PRAMEF2: variants seen among roughly 807,000 people sequenced by gnomAD.
PRAMEF2 encodes PRAME family member 2.
A neutral mutation model predicts 38.0 loss-of-function variants in PRAMEF2; 35 were observed. That is an observed-to-expected ratio of 0.92 (90% CI 0.70 to 1.22). The LOEUF is 1.22. Among genes scored for constraint, PRAMEF2 ranks in the 50% most tolerant of loss-of-function variants. PRAMEF2 has a pLI of 0.00. For missense variants in PRAMEF2, 562 were observed against 553.9 expected (o/e 1.01, Z -0.15); for synonymous variants, 240 against 232.4 (o/e 1.03, Z -0.30).
chr1:12,858,532 A>C (rs1309941455), intron 1 of PRAMEF2, among the ~76,000 whole-genome samples: 1 of 150,066 alleles, frequency 6.7e-6, no homozygotes, highest in Non-Finnish European at 1.5e-5. Context: ...TCAAAATAAA[A>C]AATAATGGCA....
At position 12,861,305 on chromosome 1, in the gene PRAMEF2, A is replaced by T; in HGVS notation, c.951A>T (p.Pro317=). 6.2e-7 allele frequency: 1 copy of T among 1,607,100 alleles called. No homozygotes were observed. The highest frequency in any genetic ancestry group is 8.5e-7 in the Non-Finnish European group (1 of 1,176,704). ...EEDLKCLSQF[P]SLGYLKHLNL... ...ACTTGAAGTGTCTCTCCCAGTTCCC[A>T]AGCCTCGGTTACCTAAAGCATCTGA... Residue 317 remains proline, a synonymous_variant, in exon 4 of 4, where the codon CCA becomes CCT. Coordinates refer to ENST00000240189, the MANE Select transcript of PRAMEF2 (RefSeq NM_023014.1).
Position 12,859,133 on chromosome 1 carries a change from G to A in PRAMEF2, c.124G>A (p.Glu42Lys), listed in dbSNP as rs772874744. 2 of 1,607,018 alleles carry A rather than the reference G, an allele frequency of 1.2e-6. No individual in the cohort carries two copies. Among genetic ancestry groups the A allele is most frequent in the Non-Finnish European group, 1.7e-6 (2 of 1,176,864 alleles). Residue 42 changes from glutamate to lysine, a missense_variant, in exon 2 of 4, where the codon GAG becomes AAG. Physicochemically the swap from Glu to Lys is moderately conservative, Grantham distance 56. Around this residue, in one of 2 missense-constraint regions of PRAMEF2, gnomAD observed 486 missense variants for 444.2 expected, o/e 1.09. Transcript: ENST00000240189. ...PRVLYLPLFR[E>K]AFSRRHFQTL... ...GGTGCTCTATCTCCCACTCTTCAGG[G>A]AGGCCTTCAGCAGGAGACACTTCCA...
In PRAMEF2 at chr1:12,859,179, AG is replaced by A; in HGVS notation, c.172del (p.Ala58ProfsTer12). On this transcript the variant is annotated frameshift_variant, in exon 2 of 4. Transcript: ENST00000240189. LOFTEE classifies it high-confidence loss of function. Reference protein sequence around the residue: ...RHFQTLTVMVQAWPFTCLPLV... With the variant: ...RHFQTLTVMVXAWPFTCLPLV... ...TTCCAGACTCTGACGGTGATGGTGC[AG>A]GCCTGGCCTTTCACCTGCCTCCCTC... 6.2e-7 allele frequency: 1 copy of A among 1,608,866 alleles called. No individual in the cohort carries two copies. Among genetic ancestry groups the A allele is most frequent in the Non-Finnish European group, 8.5e-7 (1 of 1,177,612 alleles).
At chr1:12,858,871 G>A (rs1407549714) in intron 1 of PRAMEF2, 114 bp from the exon 2 acceptor site, 7 of 1,226,382 alleles carry the variant, frequency 5.7e-6, no homozygotes, top group Non-Finnish European at 7.9e-6. Flanking sequence ...GTGGAATTGG[G>A]GTAAAGTGGT....
chr1:12,860,522 G>A (rs920537268), intron 3 of PRAMEF2, among the ~76,000 whole-genome samples: 11 of 143,656 alleles, frequency 7.7e-5, no homozygotes, highest in Non-Finnish European at 3.0e-5. Flanking sequence ...GCTAGTCAGT[G>A]GGGGTTTCAG....
Position 12,859,817 on chromosome 1 carries a change from T to C in PRAMEF2, c.412T>C (p.Cys138Arg), listed in dbSNP as rs139382628. 11 of 1,607,496 alleles carry C rather than the reference T, an allele frequency of 6.8e-6. No homozygotes were observed. The East Asian group carries it at 1.6e-4, about 23-fold the overall frequency. Residue 138 changes from cysteine (C) to arginine (R), a missense_variant, in exon 3 of 4, where the codon TGT becomes CGT. Physicochemically the swap from Cys to Arg is radical, Grantham distance 180 (BLOSUM62 -3). Coordinates refer to ENST00000240189, the MANE Select transcript of PRAMEF2 (RefSeq NM_023014.1). Reference protein sequence around the residue: ...AMSKRQTAEDCPRTGEHQPLK... With the variant: ...AMSKRQTAEDRPRTGEHQPLK... ...GAGTAAGAGGCAGACAGCAGAGGAC[T>C]GTCCAAGGACGGGAGAGCACCAGCC...
chr1:12,859,108 G>C lies in PRAMEF2; in HGVS notation c.99G>C (p.Arg33Ser). The change falls in exon 2 of 4, where the codon AGG becomes AGC. Residue 33 changes from arginine (R) to serine (S), a missense_variant. Transcript: ENST00000240189. ...LSISAMEELP[R>S]VLYLPLFREA... ...TCTCTGCCATGGAGGAGCTGCCCAG[G>C]GTGCTCTATCTCCCACTCTTCAGGG... The C allele has an allele frequency of 6.2e-7, 1 of 1,605,264 alleles. No individual in the cohort carries two copies. Among genetic ancestry groups the C allele is most frequent in the African/African-American group, 1.4e-5 (1 of 74,038 alleles).
chr1:12,858,628 T>C (rs1195014074), intron 1 of PRAMEF2, among the ~76,000 whole-genome samples: 1 of 150,068 alleles, frequency 6.7e-6, no homozygotes, highest in African/African-American at 2.4e-5. Flanking sequence ...CACGGGACAC[T>C]CTCATTCTCA....
Position 12,860,240 on chromosome 1 carries a change from T to C in PRAMEF2, c.835T>C (p.Phe279Leu). ...LQLLKIKLIT[F>L]FSGHLEQLIR... ...GTTGCTTAAAATAAAATTGATCACC[T>C]TCTTCAGTGGGCACCTGGAACAGCT... The change falls in exon 3 of 4, where the codon TTC becomes CTC. Residue 279 changes from phenylalanine (F) to leucine (L), a missense_variant. Phe to Leu is a conservative substitution (Grantham distance 22). Transcript: ENST00000240189. 1 of 1,606,978 alleles carries C rather than the reference T, an allele frequency of 6.2e-7. No homozygotes were observed. The highest frequency in any genetic ancestry group is 8.5e-7 in the Non-Finnish European group (1 of 1,176,656).
intron 3 of PRAMEF2, 117 bp from the exon 4 acceptor site, chr1:12,861,104 T>C (rs1460398778): frequency 1.4e-5 from 17 of 1,201,024 alleles, no homozygotes; most frequent in East Asian, 2.3e-5. Context: ...AGGACCATCA[T>C]CAGATGGTGG....
At position 12,860,109 on chromosome 1, in the gene PRAMEF2, G is replaced by T; in HGVS notation, c.704G>T (p.Cys235Phe). 1.0e-5 allele frequency: 16 copies of T among 1,606,660 alleles called. No homozygotes were observed. The highest frequency in any genetic ancestry group is 1.4e-5 in the Non-Finnish European group (16 of 1,176,468). Residue 235 changes from cysteine to phenylalanine, a missense_variant, in exon 3 of 4, where the codon TGC becomes TTC. Physicochemically the swap from Cys to Phe is radical, Grantham distance 205. Around this residue, in one of 2 missense-constraint regions of PRAMEF2, gnomAD observed 486 missense variants for 444.2 expected, o/e 1.09. Coordinates refer to ENST00000240189, the MANE Select transcript of PRAMEF2 (RefSeq NM_023014.1). ...YCYLKEMKTL[C>F]KLVFSRCHHY... ...TACCTGAAGGAGATGAAGACTCTTTGCAAACTCGTTTTCTCCAGGTGCCAT... is the reference window on the plus strand; with the variant it reads ...TACCTGAAGGAGATGAAGACTCTTTTCAAACTCGTTTTCTCCAGGTGCCAT...
chr1:12,858,266 T>C (rs983140748), intron 1 of PRAMEF2, among the ~76,000 whole-genome samples: 6 of 150,160 alleles, frequency 4.0e-5, no homozygotes, highest in Non-Finnish European at 7.4e-5. Context: ...TATCAATTTG[T>C]TTATTTTTGA....
chr1:12,861,518 C>G lies in PRAMEF2; in HGVS notation c.1164C>G (p.Cys388Trp). 1.2e-6 allele frequency: 2 copies of G among 1,605,648 alleles called. No homozygotes were observed. The highest frequency in any genetic ancestry group is 2.3e-4 in the Middle Eastern group (1 of 4,430). ...QLTTFYFGSN[C>W]MSIDALKDLL... ...CCACCTTCTACTTTGGCAGCAATTG[C>G]ATGTCTATTGACGCCCTGAAGGACC... The change falls in exon 4 of 4, where the codon TGC (cysteine) becomes TGG (tryptophan). Residue 388 changes from cysteine (C) to tryptophan (W), a missense_variant. By Grantham distance (215) the Cys-to-Trp change is radical. Coordinates refer to ENST00000240189, the MANE Select transcript of PRAMEF2 (RefSeq NM_023014.1).
At position 12,859,147 on chromosome 1, in the gene PRAMEF2, G is replaced by A. The variant is rs764665499; in HGVS notation, c.138G>A (p.Arg46=). The A allele has an allele frequency of 8.1e-6, 13 of 1,607,540 alleles. 1 individual carries two copies. Among genetic ancestry groups the A allele is most frequent in the Admixed American group, 5.2e-5 (3 of 58,160 alleles). ...YLPLFREAFS[R]RHFQTLTVMV... ...CACTCTTCAGGGAGGCCTTCAGCAG[G>A]AGACACTTCCAGACTCTGACGGTGA... is the stretch of plus-strand genomic sequence containing the variant. The change falls in exon 2 of 4, where the codon AGG becomes AGA. Residue 46 remains arginine (R), a synonymous_variant. Transcript: ENST00000240189.
At chr1:12,861,193 C>T in intron 3 of PRAMEF2, 28 bp from the exon 4 acceptor site, 1 of 1,596,784 alleles carries the variant, frequency 6.3e-7, no homozygotes, top group African/African-American at 1.3e-5. Context: ...GGTACCATTG[C>T]CCAGAACTAA....
rs753481467 is a variant in PRAMEF2, at chr1:12,860,260, A to G, written c.855A>G (p.Glu285=). The change falls in exon 3 of 4, where the codon GAA becomes GAG. Residue 285 remains glutamate, a synonymous_variant. Transcript: ENST00000240189. ...TCACCTTCTTCAGTGGGCACCTGGA[A>G]CAGCTGATCAGGTGAGAAAGGATTG... is the stretch of plus-strand genomic sequence containing the variant. ...KLITFFSGHL[E]QLIRCLQNPL... is the part of the protein sequence containing the mutation. 14 of 1,606,852 alleles carry G rather than the reference A, an allele frequency of 8.7e-6. 1 individual carries two copies. Among genetic ancestry groups the G allele is most frequent in the Non-Finnish European group, 1.2e-5 (14 of 1,176,594 alleles).
At chr1:12,858,069 G>A (rs1640475465) in intron 1 of PRAMEF2, among the ~76,000 whole-genome samples, 1 of 149,008 alleles carries the variant, frequency 6.7e-6, no homozygotes, top group African/African-American at 2.5e-5. Flanking sequence ...CAGTTCCAGT[G>A]AATTATTTTG....
chr1:12,860,111 A>C lies in PRAMEF2; in HGVS notation c.706A>C (p.Lys236Gln). Reference sequence around the variant, plus strand: ...CCTGAAGGAGATGAAGACTCTTTGCAAACTCGTTTTCTCCAGGTGCCATCA... The same window carrying C: ...CCTGAAGGAGATGAAGACTCTTTGCCAACTCGTTTTCTCCAGGTGCCATCA... Reference protein sequence around the residue: ...CYLKEMKTLCKLVFSRCHHYT... With the variant: ...CYLKEMKTLCQLVFSRCHHYT... Residue 236 changes from lysine (K) to glutamine (Q), a missense_variant, in exon 3 of 4, where the codon AAA becomes CAA. Around this residue, in one of 2 missense-constraint regions of PRAMEF2, gnomAD observed 486 missense variants for 444.2 expected, o/e 1.09. Coordinates refer to ENST00000240189, the MANE Select transcript of PRAMEF2 (RefSeq NM_023014.1). 3.1e-6 allele frequency: 5 copies of C among 1,606,770 alleles called. 1 individual carries two copies. The highest frequency in any genetic ancestry group is 4.3e-6 in the Non-Finnish European group (5 of 1,176,468).
chr1:12,860,048 A>C lies in PRAMEF2; in HGVS notation c.643A>C (p.Thr215Pro), dbSNP rs771532691. The C allele has an allele frequency of 7.4e-5, 119 of 1,606,692 alleles. 2 individuals carry two copies. In the South Asian group the frequency reaches 9.2e-4, roughly 12 times the overall value. Residue 215 changes from threonine to proline, a missense_variant, in exon 3 of 4, where the codon ACG becomes CCG. Physicochemically the swap from Thr to Pro is conservative, Grantham distance 38. Transcript: ENST00000240189. ...TATTGGGGAGCTGGAAATTCACAAC[A>C]CGTGCTGGCCACATCTGATAAGAAA... is the stretch of plus-strand genomic sequence containing the variant. ...NSIGELEIHN[T>P]CWPHLIRKLY...
Sources: allele counts gnomAD v4.1 joint callset (sites outside exome capture counted in the v4.1 genomes callset), GRCh38; gene constraint gnomAD v4.1.1; regional missense constraint gnomAD v4.1.1; transcripts MANE v1.5; gene names NCBI Gene and HGNC (gene_info 2026-07-23, HGNC 2026-07-21).